CADM2: variants seen among roughly 807,000 people sequenced by gnomAD.
CADM2 encodes cell adhesion molecule 2, also known as immunoglobulin superfamily member 4D.
CADM2 carries 12 observed loss-of-function variants against 49.8 expected under a neutral mutation model. The ratio of observed to expected loss-of-function variants is 0.24; its 90% CI spans 0.15 to 0.39. The LOEUF is 0.39. Ranked by LOEUF, CADM2 falls within the 10% of genes least tolerant of loss-of-function variation. CADM2 has a pLI of 1.00. For synonymous variants in CADM2, 214 were observed against 175.4 expected, an observed-to-expected ratio of 1.22 and a Z score of -1.74; for missense variants, 378 against 492.3, an observed-to-expected ratio of 0.77 and a Z score of 2.20.
chr3:85,069,727 C>T (rs907336437), intron 1 of CADM2, among the ~76,000 whole-genome samples: 1 of 152,058 alleles, frequency 6.6e-6, no homozygotes, highest in Non-Finnish European at 1.5e-5. Context: ...AAAAAATGCT[C>T]TGTAAAGACT....
intron 1 of CADM2, among the ~76,000 whole-genome samples, chr3:85,002,122 A>G (rs1469049651): frequency 6.6e-6 from 1 of 152,058 alleles, no homozygotes; most frequent in Non-Finnish European, 1.5e-5. Context: ...TGATATTTAC[A>G]TTTAGTAGCA....
At chr3:85,429,138 G>T (rs2036554542) in intron 1 of CADM2, among the ~76,000 whole-genome samples, 1 of 151,992 alleles carries the variant, frequency 6.6e-6, no homozygotes, top group Non-Finnish European at 1.5e-5. Flanking sequence ...ATAATGAGAA[G>T]GTCCTGTATA....
intron 1 of CADM2, among the ~76,000 whole-genome samples, chr3:85,564,669 ATCTG>A (rs1389791734): frequency 6.6e-6 from 1 of 152,054 alleles, no homozygotes; most frequent in African/African-American, 2.4e-5. Flanking sequence ...ATACTTATTC[ATCTG>A]TCTTTCTATA....
chr3:85,693,124 C>T (rs942174928), intron 1 of CADM2, among the ~76,000 whole-genome samples: 8 of 151,992 alleles, frequency 5.3e-5, no homozygotes, highest in Non-Finnish European at 1.2e-4. Context: ...TGGCATGCAC[C>T]TGTAGTCCCA....
chr3:85,938,272 A>T (rs1453350275), intron 7 of CADM2, among the ~76,000 whole-genome samples: 1 of 152,084 alleles, frequency 6.6e-6, no homozygotes, highest in Non-Finnish European at 1.5e-5. Flanking sequence ...ACAAGACAAG[A>T]CTGAAATAAT....
chr3:85,154,615 G>T (rs918087014), intron 1 of CADM2, among the ~76,000 whole-genome samples: 1 of 151,256 alleles, frequency 6.6e-6, no homozygotes, highest in Non-Finnish European at 1.5e-5. Flanking sequence ...CTCGAGAAGA[G>T]CAACTCCAAG....
chr3:85,699,057 G>A (rs980610687), intron 1 of CADM2, among the ~76,000 whole-genome samples: 1 of 152,140 alleles, frequency 6.6e-6, no homozygotes, highest in Non-Finnish European at 1.5e-5. Context: ...AAACAAAGGG[G>A]TTACAGGCTC....
intron 1 of CADM2, among the ~76,000 whole-genome samples, chr3:85,470,877 G>A (rs2038736633): frequency 6.6e-6 from 1 of 152,084 alleles, no homozygotes; most frequent in Non-Finnish European, 1.5e-5. Context: ...AAAAAGTTTA[G>A]TGTTTAAAAT....
chr3:86,053,019 A>G (rs1737519370), intron 8 of CADM2, among the ~76,000 whole-genome samples: 1 of 152,144 alleles, frequency 6.6e-6, no homozygotes. Flanking sequence ...TAAATAGCTC[A>G]TATAAATAGC....
intron 1 of CADM2, among the ~76,000 whole-genome samples, chr3:85,629,087 G>A (rs1487345990): frequency 6.6e-6 from 1 of 151,596 alleles, no homozygotes; most frequent in Non-Finnish European, 1.5e-5. Flanking sequence ...TTCATGTAAT[G>A]GTAATCTCTG....
intron 8 of CADM2, among the ~76,000 whole-genome samples, chr3:86,025,730 CTT>C (rs1559809163): frequency 6.6e-6 from 1 of 152,064 alleles, no homozygotes; most frequent in East Asian, 1.9e-4. Flanking sequence ...ACAAATATGA[CTT>C]TTATTGCACA....
intron 1 of CADM2, among the ~76,000 whole-genome samples, chr3:85,015,752 G>A (rs1426609710): frequency 6.6e-6 from 1 of 152,104 alleles, no homozygotes; most frequent in African/African-American, 2.4e-5. Flanking sequence ...GGAGGGAAAG[G>A]ACACATTTAT....
At chr3:84,995,338 G>C (rs2033119828) in intron 1 of CADM2, among the ~76,000 whole-genome samples, 1 of 152,164 alleles carries the variant, frequency 6.6e-6, no homozygotes, top group Non-Finnish European at 1.5e-5. Flanking sequence ...AACTAACTCA[G>C]TCCACCAATA....
At chr3:85,980,808 A>G (rs68058340) in intron 8 of CADM2, among the ~76,000 whole-genome samples, 46,183 of 151,372 alleles carry the variant, frequency 0.31, 8,345 homozygotes, top group East Asian at 0.41. Flanking sequence ...AGTTCTGACT[A>G]TATAAACAAA....
intron 1 of CADM2, among the ~76,000 whole-genome samples, chr3:85,649,529 C>T (rs2064984979): frequency 6.6e-6 from 1 of 152,130 alleles, no homozygotes; most frequent in Non-Finnish European, 1.5e-5. Context: ...TTCTCTAACC[C>T]AGACAACTGT....
At chr3:85,406,655 C>G (rs529418359) in intron 1 of CADM2, among the ~76,000 whole-genome samples, 1 of 152,108 alleles carries the variant, frequency 6.6e-6, no homozygotes, top group Admixed American at 6.6e-5. Flanking sequence ...ATATTCTCTG[C>G]GTTAGTAAAA....
At chr3:85,105,320 G>A (rs1295561016) in intron 1 of CADM2, among the ~76,000 whole-genome samples, 2 of 152,204 alleles carry the variant, frequency 1.3e-5, no homozygotes, top group South Asian at 2.1e-4. Flanking sequence ...GAAGACATTT[G>A]TGAATCCAAA....
At position 85,442,153 on chromosome 3, in the gene CADM2, A is replaced by G. The variant is rs184176795; in HGVS notation, c.62-284369A>G. 4.3e-4 allele frequency among the ~76,000 whole-genome samples: 65 copies of G among 152,188 alleles called. No individual in the cohort carries two copies. In the East Asian group the frequency reaches 9.5e-3, roughly 22 times the overall value. ...AAGAAGTTTTTATGCGCGTCATAAA[A>G]GAAACCATGTTAGTCATCTCAGTAT... is the stretch of plus-strand genomic sequence containing the variant. On this transcript the variant is annotated intron_variant, in intron 1 of 9. Coordinates refer to ENST00000383699, the MANE Select transcript of CADM2 (RefSeq NM_001167675.2).
intron 1 of CADM2, among the ~76,000 whole-genome samples, chr3:85,393,839 A>T (rs1380654618): frequency 2.6e-5 from 4 of 152,154 alleles, no homozygotes; most frequent in African/African-American, 9.7e-5. Context: ...AAAGAAGTGA[A>T]ATATATTATG....
Sources: gnomAD v4.1 joint callset for allele counts (sites outside exome capture counted in the v4.1 genomes callset) on GRCh38, gnomAD v4.1.1 for gene constraint, MANE v1.5 for transcripts, NCBI Gene and HGNC (gene_info 2026-07-23, HGNC 2026-07-21) for gene names.